FBXL18: variants seen among roughly 807,000 people sequenced by gnomAD.
The protein encoded by FBXL18 is F-box and leucine rich repeat protein 18, also known as F-box/LRR-repeat protein 18.
A neutral mutation model predicts 46.0 loss-of-function variants in FBXL18; 36 were observed. The ratio of observed to expected loss-of-function variants is 0.78; its 90% CI spans 0.60 to 1.03. The LOEUF is 1.03. Among genes scored for constraint, FBXL18 ranks in the 50% least tolerant of loss-of-function variants. FBXL18 has a pLI of 0.00. For missense variants in FBXL18, 977 were observed against 1,004.1 expected (o/e 0.97, Z 0.36); for synonymous variants, 557 against 465.3 (o/e 1.20, Z -2.54).
intron 4 of FBXL18, among the ~76,000 whole-genome samples, chr7:5,483,897 G>T (rs953448263): frequency 2.1e-4 from 32 of 152,300 alleles, no homozygotes; most frequent in African/African-American, 7.7e-4. Context: ...AGAGGACGAC[G>T]GGGTCCAGCC....
chr7:5,468,313 T>G (rs1474643438), intron 4 of FBXL18, among the ~76,000 whole-genome samples: 1 of 151,812 alleles, frequency 6.6e-6, no homozygotes, highest in African/African-American at 2.4e-5. Context: ...GAAACGGGAT[T>G]TCACTGTGTC....
Position 5,465,942 on chromosome 7 carries a change from C to T in FBXL18, c.2001-18099G>A, listed in dbSNP as rs537983028. 8.6e-4 allele frequency among the ~76,000 whole-genome samples: 130 copies of T among 151,964 alleles called. 1 individual carries two copies. The highest frequency in any genetic ancestry group is 2.8e-3 in the African/African-American group (116 of 41,466). On this transcript the variant is annotated intron_variant and NMD_transcript_variant, in intron 4 of 6. Transcript: ENST00000415009. ...AAGCGATTCTCCTGCCTCAGCCTCCCGAGTAGCTGGGATTACAGGCGCCAG... is the reference window on the plus strand; with the variant it reads ...AAGCGATTCTCCTGCCTCAGCCTCCTGAGTAGCTGGGATTACAGGCGCCAG...
chr7:5,456,011 C>T (rs1263158890), intron 4 of FBXL18, among the ~76,000 whole-genome samples: 2 of 152,148 alleles, frequency 1.3e-5, no homozygotes, highest in Admixed American at 6.6e-5. Flanking sequence ...CCCAAGAACC[C>T]GTTTGCCCTC....
intron 4 of FBXL18, among the ~76,000 whole-genome samples, chr7:5,487,308 C>A (rs1337215518): frequency 1.3e-5 from 2 of 152,256 alleles, no homozygotes; most frequent in African/African-American, 4.8e-5. Flanking sequence ...GCCTCTCCCA[C>A]CTGGCTTTGG....
intron 4 of FBXL18, among the ~76,000 whole-genome samples, chr7:5,462,460 A>G (rs1015583381): frequency 6.6e-6 from 1 of 152,152 alleles, no homozygotes; most frequent in Non-Finnish European, 1.5e-5. Flanking sequence ...AAACAGAATC[A>G]GTCACTATGT....
At chr7:5,499,039 T>C (rs910664125) in intron 3 of FBXL18, among the ~76,000 whole-genome samples, 1 of 148,162 alleles carries the variant, frequency 6.7e-6, no homozygotes, top group Non-Finnish European at 1.5e-5. Flanking sequence ...GGAAATGCCA[T>C]GGGCCCTGGA....
intron 4 of FBXL18, among the ~76,000 whole-genome samples, chr7:5,484,357 G>A (rs1181049332): frequency 6.6e-6 from 1 of 151,798 alleles, no homozygotes; most frequent in Non-Finnish European, 1.5e-5. Flanking sequence ...TGTAGTCCCA[G>A]CTATTCGGAA....
chr7:5,513,404 G>T (rs1200904881), intron 1 of FBXL18, among the ~76,000 whole-genome samples: 1 of 152,174 alleles, frequency 6.6e-6, no homozygotes, highest in African/African-American at 2.4e-5. Context: ...GAGAGACGGG[G>T]ACAACTCTGG....
At chr7:5,488,952 G>C (rs958426265) in intron 4 of FBXL18, among the ~76,000 whole-genome samples, 3 of 152,222 alleles carry the variant, frequency 2.0e-5, no homozygotes, top group South Asian at 4.1e-4. Flanking sequence ...GGGTACATCA[G>C]CAGGTGTCAC....
rs946619801 is a variant in FBXL18, at chr7:5,500,568, G to C, written c.1701C>G (p.Asn567Lys). The C allele has an allele frequency of 1.9e-6, 3 of 1,613,450 alleles. No homozygotes were observed. Among genetic ancestry groups the C allele is most frequent in the Middle Eastern group, 1.6e-4 (1 of 6,080 alleles). Residue 567 changes from asparagine to lysine, a missense_variant, in exon 3 of 5, where the codon AAC (asparagine) becomes AAG (lysine). Transcript: ENST00000382368. ...CQQLRSLSLA[N>K]LGMMGKVVYM... The stretch of plus-strand genomic sequence containing the variant: ...ACACCACCTTCCCCATCATGCCCAG[G>C]TTGGCCAGCGACAGGGACCGCAACT...
chr7:5,512,970 A>C (rs1784578164), intron 1 of FBXL18, among the ~76,000 whole-genome samples: 1 of 152,166 alleles, frequency 6.6e-6, no homozygotes, highest in Admixed American at 6.6e-5. Flanking sequence ...CTGAGACCTG[A>C]AAGGTGACAG....
At chr7:5,484,303 T>TA (rs1783719744) in intron 4 of FBXL18, among the ~76,000 whole-genome samples, 2 of 151,310 alleles carry the variant, frequency 1.3e-5, no homozygotes, top group South Asian at 2.1e-4. Context: ...CCGTCTCTAC[T>TA]AAAAATACAA....
intron 4 of FBXL18, among the ~76,000 whole-genome samples, chr7:5,462,005 C>A (rs1783254557): frequency 1.3e-5 from 2 of 152,046 alleles, no homozygotes; most frequent in African/African-American, 4.8e-5. Context: ...AATCCCAGCA[C>A]TATGAGGGAC....
intron 4 of FBXL18, among the ~76,000 whole-genome samples, chr7:5,484,351 G>C (rs1783721376): frequency 6.6e-6 from 1 of 151,804 alleles, no homozygotes; most frequent in Non-Finnish European, 1.5e-5. Context: ...GGCGCCTGTA[G>C]TCCCAGCTAT....
intron 4 of FBXL18, among the ~76,000 whole-genome samples, chr7:5,457,704 C>T (rs1340982726): frequency 6.6e-6 from 1 of 152,244 alleles, no homozygotes; most frequent in Non-Finnish European, 1.5e-5. Context: ...TAGCAAAGGT[C>T]TGTGGTGCCC....
Position 5,513,720 on chromosome 7 carries a change from G to A in FBXL18, c.-46C>T, listed in dbSNP as rs1343643206. 3 of 1,588,494 alleles carry A rather than the reference G, an allele frequency of 1.9e-6. No individual in the cohort carries two copies. Among genetic ancestry groups the A allele is most frequent in the Admixed American group, 3.5e-5 (2 of 56,412 alleles). On this transcript the variant is annotated 5_prime_UTR_variant, in exon 1 of 5. Transcript: ENST00000382368. ...GCGGCCGCGGGATCCGCAACCCCGT[G>A]CCTCCCACCTGCCCGGCTAGGGATG...
chr7:5,461,073 G>A (rs890411178), intron 4 of FBXL18, among the ~76,000 whole-genome samples: 2 of 152,130 alleles, frequency 1.3e-5, no homozygotes, highest in African/African-American at 4.8e-5. Flanking sequence ...CCTTTCTCCT[G>A]GTGTCCTGGT....
At chr7:5,490,441 A>G (rs1047801758) in intron 4 of FBXL18, among the ~76,000 whole-genome samples, 1 of 152,218 alleles carries the variant, frequency 6.6e-6, no homozygotes, top group Non-Finnish European at 1.5e-5. Context: ...GCAGCAGCAG[A>G]GCATCAAACT....
At chr7:5,513,386 A>T (rs1784590924) in intron 1 of FBXL18, among the ~76,000 whole-genome samples, 2 of 152,106 alleles carry the variant, frequency 1.3e-5, no homozygotes, top group African/African-American at 4.8e-5. Context: ...CTGGACCCTC[A>T]GGGGACGGAG....
Sources: allele counts gnomAD v4.1 joint callset (sites outside exome capture counted in the v4.1 genomes callset), GRCh38; gene constraint gnomAD v4.1.1; transcripts MANE v1.5; gene names NCBI Gene and HGNC (gene_info 2026-07-23, HGNC 2026-07-21).